CMTR1: variants seen among roughly 807,000 people sequenced by gnomAD.
CMTR1 encodes the protein cap-specific mRNA (nucleoside-2'-O-)-methyltransferase 1.
CMTR1 carries 39 observed loss-of-function variants against 107.0 expected under a neutral mutation model. That is an observed-to-expected ratio of 0.36 (90% CI 0.28 to 0.48). The LOEUF is 0.48. Among genes scored for constraint, CMTR1 ranks in the 20% least tolerant of loss-of-function variants. The pLI is 0.99. For synonymous variants in CMTR1, 366 were observed against 379.5 expected (o/e 0.96, Z 0.41); for missense variants, 672 against 1,064.9 (o/e 0.63, Z 5.14).
chr6:37,457,717 T>A (rs998994459), intron 8 of CMTR1, among the ~76,000 whole-genome samples: 3 of 152,090 alleles, frequency 2.0e-5, no homozygotes, highest in Admixed American at 2.0e-4. Context: ...TGGGATTTTT[T>A]AAAAGGTGGT....
rs1019715517 is a variant in CMTR1, at chr6:37,435,665, C to T, written c.36C>T (p.Pro12=). ...GAACTGACCCAGAATGCACTGCCCC[C>T]ATCAAGAAACAGAAAAAAAGAGTTG... The part of the protein sequence containing the change: ...KRRTDPECTA[P]IKKQKKRVAE... The change falls in exon 2 of 24, where the codon CCC becomes CCT. Residue 12 remains proline, a synonymous_variant. Coordinates refer to ENST00000373451, the MANE Select transcript of CMTR1 (RefSeq NM_015050.3). 5 of 1,600,588 alleles carry T rather than the reference C, an allele frequency of 3.1e-6. No individual in the cohort carries two copies. The highest frequency in any genetic ancestry group is 4.3e-6 in the Non-Finnish European group (5 of 1,174,786).
intron 13 of CMTR1, among the ~76,000 whole-genome samples, chr6:37,463,880 A>T (rs1240049433): frequency 6.6e-6 from 1 of 152,206 alleles, no homozygotes; most frequent in Non-Finnish European, 1.5e-5. Context: ...AGTAAACTTC[A>T]GCATGTTATA....
chr6:37,464,097 G>T (rs1271577246), intron 13 of CMTR1, among the ~76,000 whole-genome samples: 2 of 152,142 alleles, frequency 1.3e-5, no homozygotes, highest in African/African-American at 4.8e-5. Flanking sequence ...GTATAATTCT[G>T]TAAGTGAAAT....
rs917458024 is a variant in CMTR1 at position 37,458,762 on chromosome 6, C to G, written c.928C>G (p.Leu310Val). Residue 310 changes from leucine (L) to valine (V), a missense_variant, in exon 9 of 24, where the codon CTG (leucine) becomes GTG (valine). Transcript: ENST00000373451. This position sits in a 1 kb window ranked among gnomAD's most constrained non-coding sequence, Gnocchi z 4.7. ...MTLKGPNDFK[L>V]EDFYSASSEL... ...TTTGAAGGGCCCTAATGACTTCAAG[C>G]TGGAGGACTTCTACTCTGCTTCCAG... is the stretch of plus-strand genomic sequence containing the variant. 3 of 1,614,128 alleles carry G rather than the reference C, an allele frequency of 1.9e-6. No homozygotes were observed. The highest frequency in any genetic ancestry group is 1.7e-5 in the Admixed American group (1 of 60,032).
At chr6:37,438,016 C>T (rs1195683283) in intron 2 of CMTR1, among the ~76,000 whole-genome samples, 1 of 152,170 alleles carries the variant, frequency 6.6e-6, no homozygotes, top group African/African-American at 2.4e-5. Context: ...ATTGAGATTA[C>T]TCTTCCCCCT....
At chr6:37,450,486 GA>G in intron 5 of CMTR1, 143 bp downstream of exon 5, 1 of 678,006 alleles carries the variant, frequency 1.5e-6, no homozygotes, top group Non-Finnish European at 2.7e-6. Flanking sequence ...ACTGTGTCAA[GA>G]GGGAGTGTCA....
chr6:37,445,548 G>A (rs1191849749), intron 3 of CMTR1, among the ~76,000 whole-genome samples: 1 of 147,332 alleles, frequency 6.8e-6, no homozygotes, highest in Non-Finnish European at 1.5e-5. Flanking sequence ...GAGTGCAGTG[G>A]TGTGATCTCG....
rs965704327 is a variant in CMTR1 at position 37,448,935 on chromosome 6, T to C, written c.445-1316T>C. Among the ~76,000 whole-genome samples, 7 of 152,182 alleles carry C rather than the reference T, an allele frequency of 4.6e-5. No homozygotes were observed. In the South Asian group the frequency reaches 1.4e-3, roughly 32 times the overall value. On this transcript the variant is annotated intron_variant, in intron 4 of 23. Coordinates refer to ENST00000373451, the MANE Select transcript of CMTR1 (RefSeq NM_015050.3). ...GGAGATGGGTCTCAGGCATCAGTAC[T>C]ATTTTTTATTTTTTATTTTATTTGA...
At chr6:37,478,813 C>T (rs1031961672) in intron 22 of CMTR1, among the ~76,000 whole-genome samples, 3 of 152,298 alleles carry the variant, frequency 2.0e-5, no homozygotes, top group Non-Finnish European at 4.4e-5. Context: ...AGCAGCAAAT[C>T]CAGAAAGTCA....
intron 13 of CMTR1, among the ~76,000 whole-genome samples, chr6:37,468,278 A>G (rs1761549302): frequency 6.6e-6 from 1 of 152,148 alleles, no homozygotes; most frequent in African/African-American, 2.4e-5. Flanking sequence ...GAACCTTACA[A>G]CACGATACAT....
chr6:37,435,597 G>A, intron 1 of CMTR1, 27 bp from the exon 2 acceptor site: 2 of 1,588,770 alleles, frequency 1.3e-6, no homozygotes, highest in Non-Finnish European at 1.7e-6. Flanking sequence ...CCCAAGGGCA[G>A]CTGACTGACT....
chr6:37,427,940 T>G, the CMTR1 span, among the ~76,000 whole-genome samples: 1 of 151,716 alleles, frequency 6.6e-6, no homozygotes, highest in Non-Finnish European at 1.5e-5. This position sits in a 1 kb window ranked among gnomAD's most constrained non-coding sequence, Gnocchi z 4.4. Flanking sequence ...TGATGTAAGA[T>G]CCATAGTCAT....
rs1761670606 is a variant in CMTR1, at chr6:37,473,547, T to G, written c.1767T>G (p.Phe589Leu). ...SKTLEKIRPVFDYRCMVSGSE... is the reference protein window; with the variant it reads ...SKTLEKIRPVLDYRCMVSGSE... The stretch of plus-strand genomic sequence containing the variant: ...CCCTGGAGAAGATCCGCCCTGTGTT[T>G]GACTACCGCTGCATGGTATCTGGCA... Residue 589 changes from phenylalanine (F) to leucine (L), a missense_variant, in exon 17 of 24, where the codon TTT (phenylalanine) becomes TTG (leucine). By Grantham distance (22) the Phe-to-Leu change is conservative. Around this residue, in one of 2 missense-constraint regions of CMTR1, gnomAD observed 583 missense variants for 968.4 expected, o/e 0.60. Coordinates refer to ENST00000373451, the MANE Select transcript of CMTR1 (RefSeq NM_015050.3). The G allele has an allele frequency of 1.2e-6, 2 of 1,614,050 alleles. No individual in the cohort carries two copies. The highest frequency in any genetic ancestry group is 2.2e-5 in the South Asian group (2 of 91,084).
intron 10 of CMTR1, among the ~76,000 whole-genome samples, chr6:37,461,089 C>T (rs1001564395): frequency 1.3e-5 from 2 of 152,210 alleles, no homozygotes; most frequent in African/African-American, 4.8e-5. Flanking sequence ...GGAAAGTTAA[C>T]TTTTCTCCTT....
At chr6:37,467,374 A>T (rs2113886494) in intron 13 of CMTR1, among the ~76,000 whole-genome samples, 1 of 152,320 alleles carries the variant, frequency 6.6e-6, no homozygotes, top group East Asian at 1.9e-4. Flanking sequence ...TGTATTCTGT[A>T]TGATTTTGAT....
chr6:37,477,731 G>A, intron 21 of CMTR1, 92 bp downstream of exon 21: 1 of 445,288 alleles, frequency 2.2e-6, no homozygotes, highest in Non-Finnish European at 4.5e-6. Flanking sequence ...AGATGGGTCG[G>A]GGGCGGGGGG....
chr6:37,453,324 A>G lies in CMTR1; in HGVS notation c.777+12A>G, dbSNP rs748827583. On this transcript the variant is annotated intron_variant, in intron 8 of 23. Transcript: ENST00000373451. ...GGGACTCTTATGGGGTGAGAACAAG[A>G]TTCTGCTTCTGAATTCATGGTGCTA... is the stretch of plus-strand genomic sequence containing the variant. 3 of 1,612,968 alleles carry G rather than the reference A, an allele frequency of 1.9e-6. No individual in the cohort carries two copies. The highest frequency in any genetic ancestry group is 2.5e-6 in the Non-Finnish European group (3 of 1,178,972).
chr6:37,481,237 G>A lies in CMTR1; in HGVS notation c.*1092G>A, dbSNP rs1761850411. On this transcript the variant is annotated 3_prime_UTR_variant, in exon 24 of 24. Coordinates refer to ENST00000373451, the MANE Select transcript of CMTR1 (RefSeq NM_015050.3). ...TAGCTTGGGGTGGGGGTGGGCACCT[G>A]TGGTTGTTTTTAATGGGAAATACCT... 1.5e-6 allele frequency: 2 copies of A among 1,295,140 alleles called. No homozygotes were observed. The highest frequency in any genetic ancestry group is 1.2e-5 in the South Asian group (1 of 80,084). 80.2% of individuals were successfully genotyped at this position (1,295,140 alleles called of 1,614,324 possible).
At chr6:37,477,805 A>G (rs544889940) in intron 21 of CMTR1, among the ~76,000 whole-genome samples, 166 bp downstream of exon 21, 29 of 152,310 alleles carry the variant, frequency 1.9e-4, no homozygotes, top group South Asian at 4.1e-4. Flanking sequence ...CTTGCAGTCA[A>G]GAGTCCCCCA....
Sources: gnomAD v4.1 joint callset for allele counts (sites outside exome capture counted in the v4.1 genomes callset) on GRCh38, gnomAD v4.1.1 for gene constraint, gnomAD v4.1.1 regional missense constraint, Gnocchi (gnomAD v3.1) non-coding constraint, MANE v1.5 for transcripts, NCBI Gene and HGNC (gene_info 2026-07-23, HGNC 2026-07-21) for gene names.